The following EPHA4 variants were observed in gnomAD, a reference collection of about 807,000 sequenced individuals.
The protein encoded by EPHA4 is EPH receptor A4.
Under a neutral mutation model 108.3 loss-of-function variants are expected in EPHA4, and 19 were observed. The observed-to-expected ratio is 0.18, with a 90% CI of 0.12 to 0.26. EPHA4 has a LOEUF of 0.26. Among genes scored for constraint, EPHA4 ranks in the 10% least tolerant of loss-of-function variants. EPHA4 has a pLI of 1.00. For synonymous variants in EPHA4, 449 were observed against 455.5 expected (o/e 0.99, Z 0.18); for missense variants, 917 against 1,254.0 (o/e 0.73, Z 4.06).
chr2:221,450,144 A>G (rs1198940398), intron 8 of EPHA4, among the ~76,000 whole-genome samples: 1 of 152,214 alleles, frequency 6.6e-6, no homozygotes. Flanking sequence ...TCATTTTCAC[A>G]TGATTGTAAT....
chr2:221,424,683 T>G (rs1559233593), intron 17 of EPHA4, among the ~76,000 whole-genome samples: 1 of 152,208 alleles, frequency 6.6e-6, no homozygotes, highest in Non-Finnish European at 1.5e-5. Context: ...CACTGGCATC[T>G]TGGTGAATCC....
intron 11 of EPHA4, among the ~76,000 whole-genome samples, chr2:221,439,664 T>A (rs1364198781): frequency 6.6e-6 from 1 of 151,730 alleles, no homozygotes; most frequent in African/African-American, 2.4e-5. Flanking sequence ...GTGACCATAG[T>A]CTTCTGACAG....
Position 221,425,906 on chromosome 2 carries a change from T to C in EPHA4, c.*122A>G. Reference sequence around the variant, plus strand: ...ACCAAGCAACGCTGCAGATATTGTTTTTTTTTTTCATTTCTTTAATTTCAG... The same window carrying C: ...ACCAAGCAACGCTGCAGATATTGTTCTTTTTTTTCATTTCTTTAATTTCAG... On this transcript the variant is annotated 3_prime_UTR_variant, in exon 17 of 18. Coordinates refer to ENST00000281821, the MANE Select transcript of EPHA4 (RefSeq NM_004438.5). 1 of 844,342 alleles carries C rather than the reference T, an allele frequency of 1.2e-6. No homozygotes were observed. The highest frequency in any genetic ancestry group is 1.9e-6 in the Non-Finnish European group (1 of 518,702). 52.3% of individuals were successfully genotyped at this position (844,342 alleles called of 1,614,324 possible).
At chr2:221,470,695 A>G (rs182350268) in intron 5 of EPHA4, among the ~76,000 whole-genome samples, 1 of 152,064 alleles carries the variant, frequency 6.6e-6, no homozygotes, top group African/African-American at 2.4e-5. Context: ...TGCTATGTAG[A>G]CAAGTGTAAG....
At chr2:221,506,293 ATTTC>A (rs1692627907) in intron 3 of EPHA4, among the ~76,000 whole-genome samples, 1 of 152,188 alleles carries the variant, frequency 6.6e-6, no homozygotes, top group African/African-American at 2.4e-5. Context: ...TTGTTAAACT[ATTTC>A]TTATGTTAAT....
chr2:221,485,495 T>C (rs1691950919), intron 4 of EPHA4, among the ~76,000 whole-genome samples: 1 of 152,140 alleles, frequency 6.6e-6, no homozygotes, highest in Non-Finnish European at 1.5e-5. Flanking sequence ...GAGTGACAGC[T>C]TTGTGGGGAC....
intron 5 of EPHA4, among the ~76,000 whole-genome samples, chr2:221,468,735 T>G (rs1200517500): frequency 1.3e-5 from 2 of 152,222 alleles, no homozygotes; most frequent in African/African-American, 4.8e-5. Context: ...CTCCAGAAAC[T>G]TGACCAATCA....
At chr2:221,471,914 A>C (rs1691498512) in intron 5 of EPHA4, among the ~76,000 whole-genome samples, 1 of 152,138 alleles carries the variant, frequency 6.6e-6, no homozygotes, top group African/African-American at 2.4e-5. Context: ...CCTTAATAAT[A>C]ACCCTACTCC....
intron 15 of EPHA4, among the ~76,000 whole-genome samples, chr2:221,429,016 A>G (rs1351023008): frequency 6.6e-6 from 1 of 152,204 alleles, no homozygotes; most frequent in African/African-American, 2.4e-5. Flanking sequence ...CTTAAATATT[A>G]CGGGAGAAAA....
intron 15 of EPHA4, 89 bp downstream of exon 15, chr2:221,429,869 T>C: frequency 6.8e-7 from 1 of 1,467,958 alleles, no homozygotes; most frequent in South Asian, 1.2e-5. Flanking sequence ...TGGCCTCTGA[T>C]GAAAAGGCAG....
chr2:221,432,031 T>C (rs1690091560), intron 14 of EPHA4, among the ~76,000 whole-genome samples: 1 of 152,042 alleles, frequency 6.6e-6, no homozygotes, highest in Non-Finnish European at 1.5e-5. Flanking sequence ...TAGATCAATA[T>C]TATTTGTGAG....
At chr2:221,447,650 T>C (rs1690633996) in intron 8 of EPHA4, among the ~76,000 whole-genome samples, 1 of 152,064 alleles carries the variant, frequency 6.6e-6, no homozygotes, top group South Asian at 2.1e-4. Flanking sequence ...ATTTAACTTT[T>C]CAAAGTGCTC....
chr2:221,435,932 A>G (rs1215544240), intron 13 of EPHA4, among the ~76,000 whole-genome samples: 1 of 109,950 alleles, frequency 9.1e-6, no homozygotes, highest in Non-Finnish European at 1.9e-5. Flanking sequence ...AACCTAAAAC[A>G]ACAACAAAAA....
Position 221,456,598 on chromosome 2 carries a change from G to T in EPHA4, c.1603+15C>A. The stretch of plus-strand genomic sequence containing the variant: ...ATAGCCTCAGAAGTGACTGAGTCTG[G>T]GTGGTCCTTGTTACCTGTGTTGGTT... On this transcript the variant is annotated intron_variant, in intron 7 of 17. Coordinates refer to ENST00000281821, the MANE Select transcript of EPHA4 (RefSeq NM_004438.5). 1 of 1,613,026 alleles carries T rather than the reference G, an allele frequency of 6.2e-7. No homozygotes were observed. Among genetic ancestry groups the T allele is most frequent in the Non-Finnish European group, 8.5e-7 (1 of 1,179,280 alleles).
chr2:221,512,304 T>C (rs1041615022), intron 3 of EPHA4, among the ~76,000 whole-genome samples: 5 of 152,196 alleles, frequency 3.3e-5, no homozygotes, highest in African/African-American at 9.7e-5. Flanking sequence ...AAGTAAGTAA[T>C]CATATTTTGT....
chr2:221,492,602 A>C (rs1190253627), intron 4 of EPHA4, among the ~76,000 whole-genome samples: 1 of 152,314 alleles, frequency 6.6e-6, no homozygotes, highest in African/African-American at 2.4e-5. Context: ...CTGAAAGGCA[A>C]TCCGAAAGGA....
intron 4 of EPHA4, among the ~76,000 whole-genome samples, chr2:221,486,732 T>A (rs1691983855): frequency 8.7e-6 from 1 of 114,530 alleles, no homozygotes. Context: ...AGACTCTGTC[T>A]CAAAATAATA....
At chr2:221,469,264 CAA>C (rs1191275950) in intron 5 of EPHA4, among the ~76,000 whole-genome samples, 1 of 152,108 alleles carries the variant, frequency 6.6e-6, no homozygotes, top group Non-Finnish European at 1.5e-5. Flanking sequence ...TTAACTCTGT[CAA>C]AGAGTATCAT....
At chr2:221,478,598 C>T (rs552415663) in intron 5 of EPHA4, among the ~76,000 whole-genome samples, 1 of 152,158 alleles carries the variant, frequency 6.6e-6, no homozygotes, top group Non-Finnish European at 1.5e-5. Context: ...ACACCCCCAC[C>T]CTTACTCTTT....
Sources: allele counts gnomAD v4.1 joint callset (sites outside exome capture counted in the v4.1 genomes callset), GRCh38; gene constraint gnomAD v4.1.1; transcripts MANE v1.5; gene names NCBI Gene and HGNC (gene_info 2026-07-23, HGNC 2026-07-21).